CHL1: variants seen among roughly 807,000 people sequenced by gnomAD.
CHL1 encodes neural cell adhesion molecule L1-like protein.
A neutral mutation model predicts 141.9 loss-of-function variants in CHL1; 96 were observed. The observed-to-expected ratio is 0.68, with a 90% CI of 0.57 to 0.80. CHL1 has a LOEUF of 0.80. CHL1 is among the 30% of genes least tolerant of loss of function. The pLI is 0.00. For missense variants in CHL1, 1,820 were observed against 1,457.2 expected (o/e 1.25, Z -4.05); for synonymous variants, 613 against 502.2 (o/e 1.22, Z -2.95).
intron 2 of CHL1, among the ~76,000 whole-genome samples, chr3:303,006 T>C (rs912980538): frequency 5.9e-5 from 9 of 152,264 alleles, no homozygotes; most frequent in African/African-American, 2.2e-4. Flanking sequence ...GGAATCTTTT[T>C]CCCATTGCTA....
intron 2 of CHL1, among the ~76,000 whole-genome samples, chr3:296,473 G>T (rs331890): frequency 0.62 from 94,162 of 151,366 alleles, 31,618 homozygotes; most frequent in African/African-American, 0.89. Flanking sequence ...TTTATTATTT[G>T]TCACTGACCT....
intron 5 of CHL1, among the ~76,000 whole-genome samples, chr3:335,352 C>A (rs1405989763): frequency 6.6e-6 from 1 of 152,222 alleles, no homozygotes; most frequent in South Asian, 2.1e-4. Context: ...GGTGTCCTTC[C>A]TTAGCATGAA....
chr3:388,576 A>G (rs949122641), intron 19 of CHL1, among the ~76,000 whole-genome samples: 6 of 152,122 alleles, frequency 3.9e-5, no homozygotes, highest in Admixed American at 3.9e-4. Flanking sequence ...AAGAAACGAA[A>G]AAAAAAGTTA....
intron 9 of CHL1, among the ~76,000 whole-genome samples, chr3:346,329 G>A (rs1294143165): frequency 6.6e-6 from 1 of 152,166 alleles, no homozygotes; most frequent in Non-Finnish European, 1.5e-5. Flanking sequence ...TTTTAGAAGA[G>A]GAAAGTCTCA....
chr3:228,121 C>G (rs1366723085), intron 1 of CHL1, among the ~76,000 whole-genome samples: 1 of 152,084 alleles, frequency 6.6e-6, no homozygotes, highest in Non-Finnish European at 1.5e-5. Flanking sequence ...AGTGAAAGAA[C>G]CAGGACTCAG....
In CHL1 at chr3:236,509, C is replaced by G. The variant is rs186681591; in HGVS notation, c.-174-8104C>G. 3.4e-4 allele frequency among the ~76,000 whole-genome samples: 52 copies of G among 152,200 alleles called. No individual in the cohort carries two copies. In the East Asian group the frequency reaches 7.5e-3, roughly 22 times the overall value. Reference sequence around the variant, plus strand: ...TCCTCATTTCTATGAATAAACTATGCCTGCACTGGCCAAAAATGTGTCTCT... The same window carrying G: ...TCCTCATTTCTATGAATAAACTATGGCTGCACTGGCCAAAAATGTGTCTCT... On this transcript the variant is annotated intron_variant, in intron 1 of 27. Transcript: ENST00000256509.
intron 1 of CHL1, among the ~76,000 whole-genome samples, chr3:220,900 A>G (rs1201252794): frequency 2.0e-5 from 3 of 152,204 alleles, no homozygotes; most frequent in East Asian, 1.9e-4. Context: ...CGAAAGTCTG[A>G]TAAACATTTA....
intron 1 of CHL1, among the ~76,000 whole-genome samples, chr3:220,030 A>G (rs1047508154): frequency 1.3e-5 from 2 of 152,220 alleles, no homozygotes; most frequent in African/African-American, 4.8e-5. Context: ...AACAAAATAA[A>G]TGACTCTTAA....
At chr3:258,787 C>T (rs975524448) in intron 2 of CHL1, among the ~76,000 whole-genome samples, 1 of 151,924 alleles carries the variant, frequency 6.6e-6, no homozygotes, top group East Asian at 1.9e-4. Context: ...ATCTCTTGTT[C>T]TAGATATCAT....
At chr3:240,582 G>C (rs75362015) in intron 1 of CHL1, among the ~76,000 whole-genome samples, 2 of 152,116 alleles carry the variant, frequency 1.3e-5, no homozygotes, top group Admixed American at 6.6e-5. Context: ...TCATTTTGCT[G>C]AGCAGAAGCT....
At chr3:403,761 C>G (rs1021977561) in intron 27 of CHL1, among the ~76,000 whole-genome samples, 21 of 152,210 alleles carry the variant, frequency 1.4e-4, no homozygotes, top group African/African-American at 5.1e-4. Flanking sequence ...TTTCCAACCT[C>G]TTTCCCCCAA....
chr3:220,810 G>T (rs1700766121), intron 1 of CHL1, among the ~76,000 whole-genome samples: 1 of 152,220 alleles, frequency 6.6e-6, no homozygotes, highest in Non-Finnish European at 1.5e-5. Context: ...GTTGGTGTGA[G>T]TGGACAGTGG....
intron 15 of CHL1, among the ~76,000 whole-genome samples, chr3:370,416 T>C (rs1705478602): frequency 6.6e-6 from 1 of 152,156 alleles, no homozygotes; most frequent in African/African-American, 2.4e-5. Flanking sequence ...GATGGTAGTT[T>C]GCATTTCTGT....
At chr3:241,748 AT>A (rs1327356379) in intron 1 of CHL1, among the ~76,000 whole-genome samples, 1 of 151,518 alleles carries the variant, frequency 6.6e-6, no homozygotes, top group Non-Finnish European at 1.5e-5. Flanking sequence ...TCTTTTTAAT[AT>A]TTTCTTTTTA....
At position 238,754 on chromosome 3, in the gene CHL1, G is replaced by A. The variant is rs555415731; in HGVS notation, c.-174-5859G>A. 1.2e-3 allele frequency among the ~76,000 whole-genome samples: 155 copies of A among 129,680 alleles called. 2 individuals are homozygous for A. The South Asian group carries it at 0.034, about 28-fold the overall frequency. 85.1% of individuals were successfully genotyped at this position (129,680 alleles called of 152,430 possible). A position where few individuals can be genotyped will look rare whatever the true frequency, so the allele number is the denominator to read the frequency against. On this transcript the variant is annotated intron_variant, in intron 1 of 27. Coordinates refer to ENST00000256509, the MANE Select transcript of CHL1 (RefSeq NM_006614.4). Reference sequence around the variant, plus strand: ...AGCCTAGCTAACATGGTGAAACCCCGTCTCTACTAAAAATACAAAAAAAAA... The same window carrying A: ...AGCCTAGCTAACATGGTGAAACCCCATCTCTACTAAAAATACAAAAAAAAA...
intron 6 of CHL1, 127 bp from the exon 7 acceptor site, chr3:341,785 C>G: frequency 1.3e-6 from 1 of 765,942 alleles, no homozygotes; most frequent in Non-Finnish European, 2.0e-6. Flanking sequence ...TAAGACCAGA[C>G]TTGAGAGGAA....
At chr3:234,434 C>T (rs1427540427) in intron 1 of CHL1, among the ~76,000 whole-genome samples, 1 of 152,164 alleles carries the variant, frequency 6.6e-6, no homozygotes, top group East Asian at 1.9e-4. Flanking sequence ...AGGTTCACTG[C>T]AGCATGAGAC....
chr3:329,080 G>A (rs1701237384), intron 5 of CHL1, among the ~76,000 whole-genome samples: 1 of 152,110 alleles, frequency 6.6e-6, no homozygotes, highest in African/African-American at 2.4e-5. Flanking sequence ...GTCCCCTGAA[G>A]TAGCGTACTT....
chr3:398,114 C>T (rs559450184), intron 24 of CHL1, 113 bp from the exon 25 acceptor site: 74 of 563,282 alleles, frequency 1.3e-4, no homozygotes, highest in Non-Finnish European at 1.8e-4. Flanking sequence ...CAAAAACTAT[C>T]TGAGAAAATA....
Sources: allele counts gnomAD v4.1 joint callset (sites outside exome capture counted in the v4.1 genomes callset), GRCh38; gene constraint gnomAD v4.1.1; transcripts MANE v1.5; gene names NCBI Gene and HGNC (gene_info 2026-07-23, HGNC 2026-07-21).